The following ZMYM2 variants were observed in gnomAD, a reference collection of about 807,000 sequenced individuals.
ZMYM2 encodes zinc finger MYM-type containing 2.
A neutral mutation model predicts 162.8 loss-of-function variants in ZMYM2; 56 were observed. The observed-to-expected ratio is 0.34, with a 90% CI of 0.28 to 0.43. The LOEUF is 0.43. Ranked by LOEUF, ZMYM2 falls within the 20% of genes least tolerant of loss-of-function variation. The probability of loss-of-function intolerance (pLI) is 1.00; values close to 1 mark genes in which losing one functional copy is unlikely to be tolerated. For synonymous variants in ZMYM2, 510 were observed against 541.6 expected, an observed-to-expected ratio of 0.94 and a Z score of 0.81; for missense variants, 1,275 against 1,621.8, an observed-to-expected ratio of 0.79 and a Z score of 3.67.
rs1957839951 is a variant in ZMYM2, at chr13:20,080,507, T to TGA, written c.3454-1506_3454-1505dup. 2.6e-5 allele frequency among the ~76,000 whole-genome samples: 4 copies of TGA among 152,042 alleles called. No homozygotes were observed. The South Asian group carries it at 8.3e-4, about 32-fold the overall frequency. On this transcript the variant is annotated intron_variant, in intron 21 of 24. Transcript: ENST00000610343. ...TATCTGTCTCTTTTTTTTTTTTCCT[T>TGA]GAGACTGGGCCTCGGTCTGTCCCAG...
At chr13:20,000,422 C>T (rs1448594223) in intron 3 of ZMYM2, among the ~76,000 whole-genome samples, 1 of 152,170 alleles carries the variant, frequency 6.6e-6, no homozygotes, top group Admixed American at 6.5e-5. Context: ...AACGGATTTT[C>T]AGTGTAGACA....
chr13:19,866,158 G>T, the ZMYM2 span, among the ~76,000 whole-genome samples: 18 of 151,974 alleles, frequency 1.2e-4, no homozygotes, highest in Admixed American at 8.5e-4. Context: ...GGAGGTGGAG[G>T]TTGCAGTGAG....
At chr13:19,958,535 C>T (rs553642060), upstream of ZMYM2, 466 of 152,516 alleles carry the variant, frequency 3.1e-3, 1 homozygote, top group Non-Finnish European at 5.8e-3. Context: ...AGTGGAACGG[C>T]AGGGCCGGGG....
chr13:20,075,409 AT>A (rs887586699), intron 21 of ZMYM2, among the ~76,000 whole-genome samples: 57 of 152,014 alleles, frequency 3.7e-4, no homozygotes, highest in African/African-American at 1.2e-3. Context: ...GCTCGGCCTT[AT>A]TTTTTCTTGT....
the ZMYM2 span, among the ~76,000 whole-genome samples, chr13:19,920,710 GTGTATACA>G: frequency 5.4e-4 from 82 of 151,514 alleles, 1 homozygote; most frequent in Middle Eastern, 3.4e-3. Context: ...TAAAAAACTA[GTGTATACA>G]TGTCCCTTCA....
upstream of ZMYM2, among the ~76,000 whole-genome samples, chr13:19,958,010 G>A (rs759400426): frequency 6.6e-6 from 1 of 152,262 alleles, no homozygotes; most frequent in Non-Finnish European, 1.5e-5. Context: ...GTTTTTAGGG[G>A]GTCCCAAGTT....
At chr13:19,872,504 C>T in the ZMYM2 span, among the ~76,000 whole-genome samples, 1 of 151,616 alleles carries the variant, frequency 6.6e-6, no homozygotes, top group African/African-American at 2.4e-5. Flanking sequence ...GAGCCAAGAT[C>T]GGGCCACTGC....
the ZMYM2 span, among the ~76,000 whole-genome samples, chr13:19,913,721 ACT>A: frequency 7.9e-5 from 12 of 152,236 alleles, no homozygotes; most frequent in African/African-American, 2.9e-4. Flanking sequence ...ACAGAATAAG[ACT>A]CTGTCTCAAA....
chr13:20,042,405 C>T (rs1463305306), intron 12 of ZMYM2, among the ~76,000 whole-genome samples: 1 of 152,112 alleles, frequency 6.6e-6, no homozygotes, highest in Non-Finnish European at 1.5e-5. Flanking sequence ...TCAGCTCTAT[C>T]AGGTCAGTTA....
chr13:20,013,201 T>C (rs1951341709), intron 6 of ZMYM2, among the ~76,000 whole-genome samples: 1 of 152,226 alleles, frequency 6.6e-6, no homozygotes, highest in South Asian at 2.1e-4. Flanking sequence ...TTTATTCCTG[T>C]TTATTCTTTT....
the ZMYM2 span, among the ~76,000 whole-genome samples, chr13:19,929,361 C>T: frequency 6.6e-6 from 1 of 152,050 alleles, no homozygotes; most frequent in Middle Eastern, 3.2e-3. Context: ...GCCTCAGCCT[C>T]CCGAGTAGCT....
chr13:19,918,495 CTTT>C, the ZMYM2 span, among the ~76,000 whole-genome samples: 18 of 107,494 alleles, frequency 1.7e-4, no homozygotes, highest in East Asian at 1.4e-3. Flanking sequence ...TTCTTTCTTT[CTTT>C]TTTTTTTTTT....
intron 3 of ZMYM2, 145 bp downstream of exon 3, chr13:19,994,064 A>G: frequency 1.0e-6 from 1 of 978,306 alleles, no homozygotes; most frequent in South Asian, 2.0e-5. Flanking sequence ...TAAGTTTGGT[A>G]TTTTAATAAG....
chr13:20,072,848 A>G (rs1239153896), intron 21 of ZMYM2, among the ~76,000 whole-genome samples: 1 of 152,018 alleles, frequency 6.6e-6, no homozygotes, highest in Non-Finnish European at 1.5e-5. Flanking sequence ...TAAGTTTGGT[A>G]ATATTTTCTT....
At chr13:19,955,138 A>AATT (rs58375933), upstream of ZMYM2, among the ~76,000 whole-genome samples, 10,226 of 149,662 alleles carry the variant, frequency 0.068, 376 homozygotes, top group Non-Finnish European at 0.079. Context: ...TAGTTACTGC[A>AATT]ATTATTATTA....
the ZMYM2 span, among the ~76,000 whole-genome samples, chr13:19,894,711 G>T: frequency 6.6e-6 from 1 of 151,906 alleles, no homozygotes; most frequent in Admixed American, 6.6e-5. Flanking sequence ...GGTTGTATGG[G>T]TATTCAAAAA....
At chr13:19,993,986 TGTA>T in intron 3 of ZMYM2, 67 bp downstream of exon 3, 1 of 1,514,930 alleles carries the variant, frequency 6.6e-7, no homozygotes, top group Non-Finnish European at 8.9e-7. Flanking sequence ...CTTTTTTCAT[TGTA>T]GTAACTGGTA....
chr13:19,899,816 C>CA, the ZMYM2 span, among the ~76,000 whole-genome samples: 510 of 64,950 alleles, frequency 7.9e-3, 9 homozygotes, highest in African/African-American at 0.034. Flanking sequence ...GACTCTGACT[C>CA]AAAAAAAAAA....
chr13:20,050,668 G>A (rs1274737047), intron 12 of ZMYM2, among the ~76,000 whole-genome samples: 2 of 151,734 alleles, frequency 1.3e-5, no homozygotes, highest in African/African-American at 4.8e-5. Flanking sequence ...CAAAATCTAG[G>A]GAAATTAGGA....
Sources: gnomAD v4.1 joint callset for allele counts (sites outside exome capture counted in the v4.1 genomes callset) on GRCh38, gnomAD v4.1.1 for gene constraint, MANE v1.5 for transcripts, NCBI Gene and HGNC (gene_info 2026-07-23, HGNC 2026-07-21) for gene names.